LPP: variants seen among roughly 807,000 people sequenced by gnomAD.
LPP encodes the protein lipoma-preferred partner.
LPP carries 38 observed loss-of-function variants against 60.4 expected under a neutral mutation model. The ratio of observed to expected loss-of-function variants is 0.63; its 90% CI spans 0.49 to 0.83. The LOEUF (loss-of-function observed/expected upper bound fraction) is 0.83. LPP is among the 40% of genes least tolerant of loss of function. The pLI is 0.00. For synonymous variants in LPP, 328 were observed against 290.8 expected, an observed-to-expected ratio of 1.13 and a Z score of -1.30; for missense variants, 902 against 783.6, an observed-to-expected ratio of 1.15 and a Z score of -1.80.
Position 188,609,400 on chromosome 3 carries a change from G to A in LPP, c.669G>A (p.Val223=). The A allele has an allele frequency of 1.9e-6, 3 of 1,614,122 alleles. No homozygotes were observed. The highest frequency in any genetic ancestry group is 1.7e-5 in the Admixed American group (1 of 60,018). ...ASTSSRPTFN[V]QVKSAQPSPH... Reference sequence around the variant, plus strand: ...CTTCTTCAAGGCCTACCTTTAATGTGCAGGTGAAGTCAGCCCAGCCCAGCC... The same window carrying A: ...CTTCTTCAAGGCCTACCTTTAATGTACAGGTGAAGTCAGCCCAGCCCAGCC... The change falls in exon 7 of 12, where the codon GTG becomes GTA. Residue 223 remains valine (V), a synonymous_variant. Coordinates refer to ENST00000617246, the MANE Select transcript of LPP (RefSeq NM_001375462.1). This position sits in a 1 kb window ranked among gnomAD's most constrained non-coding sequence, Gnocchi z 6.9.
Position 188,609,514 on chromosome 3 carries a change from G to A in LPP, c.783G>A (p.Gln261=), listed in dbSNP as rs765931059. The part of the protein sequence containing the change: ...YNTQPVPVSG[Q]CPPPSTRGGM... ...CTCAGCCAGTTCCTGTCTCTGGGCA[G>A]TGTCCACCTCCTTCAACACGGGGAG... The change falls in exon 7 of 12, where the codon CAG becomes CAA. Residue 261 remains glutamine (Q), a synonymous_variant. Transcript: ENST00000617246. This position sits in a 1 kb window ranked among gnomAD's most constrained non-coding sequence, Gnocchi z 6.9. 3.7e-6 allele frequency: 6 copies of A among 1,614,200 alleles called. No individual in the cohort carries two copies. Among genetic ancestry groups the A allele is most frequent in the Non-Finnish European group, 5.1e-6 (6 of 1,180,046 alleles).
At chr3:188,764,795 A>G (rs1733492675) in intron 9 of LPP, among the ~76,000 whole-genome samples, 1 of 152,182 alleles carries the variant, frequency 6.6e-6, no homozygotes, top group South Asian at 2.1e-4. Flanking sequence ...TCCTCCCCCA[A>G]ACCAGTGCTT....
chr3:188,694,862 G>A (rs1422554290), intron 7 of LPP, among the ~76,000 whole-genome samples: 2 of 152,120 alleles, frequency 1.3e-5, no homozygotes, highest in East Asian at 3.8e-4. Flanking sequence ...CTTAAGAAAG[G>A]TTCTTTTGAT....
At chr3:188,291,426 T>A (rs1392200051) in intron 2 of LPP, among the ~76,000 whole-genome samples, 1 of 151,684 alleles carries the variant, frequency 6.6e-6, no homozygotes, top group East Asian at 1.9e-4. Flanking sequence ...GATCACGAGG[T>A]CAGGAGATCG....
intron 3 of LPP, among the ~76,000 whole-genome samples, chr3:188,392,977 T>C (rs1165751798): frequency 1.3e-5 from 2 of 152,184 alleles, no homozygotes; most frequent in Non-Finnish European, 2.9e-5. Flanking sequence ...AGTAATCCCT[T>C]CCACCTTTAC....
chr3:188,755,879 A>G (rs1357842855), intron 8 of LPP, among the ~76,000 whole-genome samples: 5 of 138,148 alleles, frequency 3.6e-5, no homozygotes, highest in African/African-American at 1.3e-4. Flanking sequence ...AGAAAAGAAA[A>G]CCCATATCAC....
At chr3:188,293,364 T>A (rs931920165) in intron 2 of LPP, among the ~76,000 whole-genome samples, 1 of 152,238 alleles carries the variant, frequency 6.6e-6, no homozygotes, top group Non-Finnish European at 1.5e-5. Flanking sequence ...AATCTAGCTA[T>A]ATCATGTTAG....
chr3:188,331,119 C>T (rs1560258219), intron 2 of LPP, among the ~76,000 whole-genome samples: 1 of 152,128 alleles, frequency 6.6e-6, no homozygotes, highest in Admixed American at 6.6e-5. Flanking sequence ...CTTGTCTCAG[C>T]TTCTTGAGGA....
intron 6 of LPP, among the ~76,000 whole-genome samples, chr3:188,576,576 T>C (rs1834667274): frequency 6.6e-6 from 1 of 152,176 alleles, no homozygotes; most frequent in Non-Finnish European, 1.5e-5. Context: ...CTCTTCACTT[T>C]ATACCACCAA....
Position 188,676,365 on chromosome 3 carries a change from T to C in LPP, c.1114-31902T>C, listed in dbSNP as rs184915407. Among the ~76,000 whole-genome samples the C allele has an allele frequency of 1.2e-3, 187 of 152,264 alleles. 3 individuals are homozygous for C. The highest frequency in any genetic ancestry group is 4.1e-3 in the African/African-American group (172 of 41,554). On this transcript the variant is annotated intron_variant, in intron 7 of 11. Coordinates refer to ENST00000617246, the MANE Select transcript of LPP (RefSeq NM_001375462.1). ...CAATAGTCTACTCCGTGTCGCCACA[T>C]CTTAGGTAATTTAGATAGGTAGAAG...
At chr3:188,465,984 G>A (rs1239323994) in intron 4 of LPP, among the ~76,000 whole-genome samples, 6 of 152,098 alleles carry the variant, frequency 3.9e-5, no homozygotes. Flanking sequence ...AAGTCAAAGG[G>A]GATAGGCTAT....
chr3:188,371,641 A>ATATTTTTTTTTT (rs1553878071), intron 3 of LPP, among the ~76,000 whole-genome samples: 2 of 32,172 alleles, frequency 6.2e-5, no homozygotes, highest in Non-Finnish European at 1.0e-4. Flanking sequence ...ATATATATAT[A>ATATTTTTTTTTT]TTTTTTTTTT....
rs1237807246 is a variant in LPP, at chr3:188,372,694, G to GT, written c.-10+30987dup. 1.5e-3 allele frequency among the ~76,000 whole-genome samples: 212 copies of GT among 139,122 alleles called. 1 individual carries two copies. The highest frequency in any genetic ancestry group is 2.3e-3 in the African/African-American group (86 of 38,176). The allele number at this position is 139,122 out of a possible 152,430, so 91.3% of individuals were successfully genotyped here. Reference sequence around the variant, plus strand: ...GTAAATATTATGTTGGCTTCTTTTTGTTTTTTTTTTTTAAATTTTATTATT... The same window carrying GT: ...GTAAATATTATGTTGGCTTCTTTTTGTTTTTTTTTTTTTAAATTTTATTATT... On this transcript the variant is annotated intron_variant, in intron 3 of 11. Coordinates refer to ENST00000617246, the MANE Select transcript of LPP (RefSeq NM_001375462.1).
At chr3:188,398,881 G>A (rs1781575606) in intron 3 of LPP, among the ~76,000 whole-genome samples, 1 of 152,200 alleles carries the variant, frequency 6.6e-6, no homozygotes, top group Non-Finnish European at 1.5e-5. Flanking sequence ...TCAAGGGGGA[G>A]GATAGAAGAG....
intron 8 of LPP, among the ~76,000 whole-genome samples, chr3:188,736,255 G>T (rs1722468620): frequency 6.6e-6 from 1 of 151,968 alleles, no homozygotes. Flanking sequence ...TAAAGTGTAT[G>T]TAAATATCAT....
chr3:188,528,954 C>T (rs1821416832), intron 6 of LPP, among the ~76,000 whole-genome samples: 1 of 152,110 alleles, frequency 6.6e-6, no homozygotes, highest in South Asian at 2.1e-4. Flanking sequence ...ATTGTAATAG[C>T]CATTAAGTAG....
At chr3:188,501,345 T>C (rs1314434867) in intron 5 of LPP, among the ~76,000 whole-genome samples, 1 of 152,230 alleles carries the variant, frequency 6.6e-6, no homozygotes, top group Admixed American at 6.5e-5. Flanking sequence ...CTGGATGCAG[T>C]GGCTCACACC....
intron 7 of LPP, among the ~76,000 whole-genome samples, chr3:188,611,598 A>G (rs1383938635): frequency 1.3e-5 from 2 of 152,242 alleles, no homozygotes; most frequent in Admixed American, 1.3e-4. Context: ...AACTAGACAG[A>G]CAATTTAGCC....
intron 5 of LPP, among the ~76,000 whole-genome samples, chr3:188,497,160 G>A (rs1467072793): frequency 6.6e-6 from 1 of 152,074 alleles, no homozygotes; most frequent in Non-Finnish European, 1.5e-5. Context: ...GATAGTTTCT[G>A]TCGTTCCCTT....
Sources: gnomAD v4.1 joint callset for allele counts (sites outside exome capture counted in the v4.1 genomes callset) on GRCh38, gnomAD v4.1.1 for gene constraint, Gnocchi (gnomAD v3.1) non-coding constraint, MANE v1.5 for transcripts, NCBI Gene and HGNC (gene_info 2026-07-23, HGNC 2026-07-21) for gene names.